KDR: variants seen among roughly 807,000 people sequenced by gnomAD.
KDR encodes the protein kinase insert domain receptor.
In KDR, 43 loss-of-function variants were observed where a neutral mutation model predicts 160.9. The observed-to-expected ratio is 0.27, with a 90% CI of 0.21 to 0.34. The LOEUF is 0.34. Ranked by LOEUF, KDR falls within the 10% of genes least tolerant of loss-of-function variation. The pLI is 1.00. For missense variants in KDR, 1,469 were observed against 1,666.4 expected (o/e 0.88, Z 2.06); for synonymous variants, 617 against 600.1 (o/e 1.03, Z -0.41).
At position 55,110,737 on chromosome 4, in the gene KDR, C is replaced by T. The variant is rs745838823; in HGVS notation, c.1008G>A (p.Met336Ile). 1 of 1,612,408 alleles carries T rather than the reference C, an allele frequency of 6.2e-7. No homozygotes were observed. Among genetic ancestry groups the T allele is most frequent in the Non-Finnish European group, 8.5e-7 (1 of 1,179,686 alleles). Reference sequence around the variant, plus strand: ...CCACCGTGGCTTCCACCAGAGATTCCATGCCACTTCCAAAAGCAACAAAAG... The same window carrying T: ...CCACCGTGGCTTCCACCAGAGATTCTATGCCACTTCCAAAAGCAACAAAAG... Reference protein sequence around the residue: ...EKPFVAFGSGMESLVEATVGE... With the variant: ...EKPFVAFGSGIESLVEATVGE... The change falls in exon 8 of 30, where the codon ATG (methionine) becomes ATA (isoleucine). Residue 336 changes from methionine to isoleucine, a missense_variant. Physicochemically the swap from Met to Ile is conservative, Grantham distance 10. Coordinates refer to ENST00000263923, the MANE Select transcript of KDR (RefSeq NM_002253.4).
intron 21 of KDR, among the ~76,000 whole-genome samples, chr4:55,093,029 A>G (rs1208208221): frequency 6.6e-6 from 1 of 152,166 alleles, no homozygotes; most frequent in Non-Finnish European, 1.5e-5. Context: ...TGCCACTTAC[A>G]CTGTTTTTTG....
intron 9 of KDR, among the ~76,000 whole-genome samples, chr4:55,109,777 C>T (rs1720530440): frequency 6.6e-6 from 1 of 152,148 alleles, no homozygotes; most frequent in Admixed American, 6.6e-5. Flanking sequence ...ACCCTTCTCC[C>T]CACTCCATTC....
chr4:55,114,001 G>GT, intron 6 of KDR, 125 bp downstream of exon 6: 1 of 916,806 alleles, frequency 1.1e-6, no homozygotes, highest in Middle Eastern at 2.3e-4. Flanking sequence ...GAGTGGGTGT[G>GT]TATGTGTGTG....
chr4:55,079,647 C>A lies in KDR; in HGVS notation c.*294G>T. 1 of 469,954 alleles carries A rather than the reference C, an allele frequency of 2.1e-6. No homozygotes were observed. 29.1% of individuals were successfully genotyped at this position (469,954 alleles called of 1,614,324 possible). On this transcript the variant is annotated 3_prime_UTR_variant, in exon 30 of 30. Transcript: ENST00000263923. ...GAGGATGGGGCCATTTCTTGAACGT[C>A]TTTGTTCTAAACCCATGGTGAGACC...
intron 25 of KDR, 114 bp from the exon 26 acceptor site, chr4:55,089,087 A>C (rs758199631): frequency 3.8e-6 from 3 of 799,336 alleles, no homozygotes; most frequent in Non-Finnish European, 6.5e-6. Context: ...ATGCTAAATA[A>C]GGATACAAAA....
intron 26 of KDR, 29 bp downstream of exon 26, chr4:55,088,839 T>C: frequency 6.8e-7 from 1 of 1,471,528 alleles, no homozygotes; most frequent in Non-Finnish European, 9.5e-7. Flanking sequence ...GTACTCTTTG[T>C]AGGTGCTTCT....
At chr4:55,099,915 T>TGGGA (rs1467923290) in intron 15 of KDR, among the ~76,000 whole-genome samples, 3 of 152,124 alleles carry the variant, frequency 2.0e-5, no homozygotes, top group African/African-American at 7.2e-5. Flanking sequence ...GGCCTGGTAA[T>TGGGA]GGGAGTTTCA....
chr4:55,088,072 A>G (rs1183482341), intron 26 of KDR, among the ~76,000 whole-genome samples: 1 of 152,204 alleles, frequency 6.6e-6, no homozygotes, highest in Non-Finnish European at 1.5e-5. Context: ...AGAACAAAAA[A>G]TCACTCATTC....
chr4:55,079,917 A>G lies in KDR; in HGVS notation c.*24T>C. 1 of 1,585,024 alleles carries G rather than the reference A, an allele frequency of 6.3e-7. No individual in the cohort carries two copies. Among genetic ancestry groups the G allele is most frequent in the Non-Finnish European group, 8.7e-7 (1 of 1,153,724 alleles). ...CAGCACCTCTCATGTGATGTCCAGG[A>G]GTTGGGGGTGTGGATGCTTCCTTTT... On this transcript the variant is annotated 3_prime_UTR_variant, in exon 30 of 30. Coordinates refer to ENST00000263923, the MANE Select transcript of KDR (RefSeq NM_002253.4).
intron 3 of KDR, among the ~76,000 whole-genome samples, chr4:55,117,025 ACTT>A (rs1371142332): frequency 6.6e-6 from 1 of 152,192 alleles, no homozygotes; most frequent in Non-Finnish European, 1.5e-5. Context: ...AGGGATTGCC[ACTT>A]CTTAATATTG....
Position 55,104,672 on chromosome 4 carries a change from T to C in KDR, c.1958A>G (p.His653Arg), listed in dbSNP as rs2110022786. ...LAQDRKTKKR[H>R]CVVRQLTVLE... ...GACTGTGAGCTGCCTGACCACGCAA[T>C]GTCTTTTCTTGGTCTTCCTGTCTTG... The change falls in exon 13 of 30, where the codon CAT becomes CGT. Residue 653 changes from histidine to arginine, a missense_variant. His to Arg is a conservative substitution (Grantham distance 29). Coordinates refer to ENST00000263923, the MANE Select transcript of KDR (RefSeq NM_002253.4). 6.2e-7 allele frequency: 1 copy of C among 1,613,748 alleles called. No homozygotes were observed. The highest frequency in any genetic ancestry group is 8.5e-7 in the Non-Finnish European group (1 of 1,179,798).
chr4:55,099,900 C>G (rs888907313), intron 15 of KDR, among the ~76,000 whole-genome samples: 1 of 152,046 alleles, frequency 6.6e-6, no homozygotes, highest in African/African-American at 2.4e-5. Flanking sequence ...GAGCACATCA[C>G]GCATGGCCTG....
Position 55,125,240 on chromosome 4 carries a change from C to G in KDR, c.54G>C (p.Arg18=), listed in dbSNP as rs144880599. ...AVALWLCVET[R]AASVGLPSVS... Reference sequence around the variant, plus strand: ...TGGGCTCCTTACCCACAGAGGCGGCCCGGGTCTCCACGCAGAGCCACAGGG... The same window carrying G: ...TGGGCTCCTTACCCACAGAGGCGGCGCGGGTCTCCACGCAGAGCCACAGGG... The change falls in exon 1 of 30, where the codon CGG becomes CGC. Residue 18 remains arginine, a synonymous_variant. Coordinates refer to ENST00000263923, the MANE Select transcript of KDR (RefSeq NM_002253.4). 4.3e-6 allele frequency: 7 copies of G among 1,612,796 alleles called. No homozygotes were observed. The highest frequency in any genetic ancestry group is 1.6e-4 in the Middle Eastern group (1 of 6,076).
chr4:55,104,598 G>T (rs1560518959), intron 13 of KDR, 45 bp downstream of exon 13: 2 of 1,456,972 alleles, frequency 1.4e-6, no homozygotes, highest in Non-Finnish European at 1.9e-6. Flanking sequence ...TACATTTAAG[G>T]CATTCCAACT....
At chr4:55,121,398 A>G (rs747816568) in intron 1 of KDR, among the ~76,000 whole-genome samples, 5 of 152,240 alleles carry the variant, frequency 3.3e-5, no homozygotes, top group Non-Finnish European at 7.4e-5. Context: ...ATAAACCAAC[A>G]CAACAGTTCT....
Position 55,079,870 on chromosome 4 carries a change from G to C in KDR, c.*71C>G. ...TGCGGCTACTTCCTGCTGGTGGAAA[G>C]AACAACACTTGAAAATCTGAGCAGC... On this transcript the variant is annotated 3_prime_UTR_variant, in exon 30 of 30. Coordinates refer to ENST00000263923, the MANE Select transcript of KDR (RefSeq NM_002253.4). 7.3e-7 allele frequency: 1 copy of C among 1,365,056 alleles called. No individual in the cohort carries two copies. The highest frequency in any genetic ancestry group is 1.0e-6 in the Non-Finnish European group (1 of 953,868). 84.6% of individuals were successfully genotyped at this position (1,365,056 alleles called of 1,614,324 possible).
At chr4:55,085,831 C>T (rs748060288) in intron 27 of KDR, among the ~76,000 whole-genome samples, 2 of 152,186 alleles carry the variant, frequency 1.3e-5, no homozygotes, top group South Asian at 2.1e-4. Flanking sequence ...TGGGGATAAA[C>T]GTTAGCAGCC....
chr4:55,097,354 A>G (rs1252057291), intron 18 of KDR, among the ~76,000 whole-genome samples: 1 of 152,140 alleles, frequency 6.6e-6, no homozygotes, highest in Non-Finnish European at 1.5e-5. Context: ...AAACAATTTT[A>G]ATATAACCAC....
chr4:55,080,198 A>G (rs1481698736), intron 29 of KDR, 35 bp from the exon 30 acceptor site: 1 of 1,592,462 alleles, frequency 6.3e-7, no homozygotes, highest in Admixed American at 1.7e-5. Flanking sequence ...GAGTTGGCAG[A>G]GAGAAGACAA....
Sources: allele counts gnomAD v4.1 joint callset (sites outside exome capture counted in the v4.1 genomes callset), GRCh38; gene constraint gnomAD v4.1.1; transcripts MANE v1.5; gene names NCBI Gene and HGNC (gene_info 2026-07-23, HGNC 2026-07-21).